LRRIQ1: variants seen among roughly 807,000 people sequenced by gnomAD.
The protein encoded by LRRIQ1 is leucine-rich repeat- and IQ domain-containing protein 1.
Under a neutral mutation model 211.9 loss-of-function variants are expected in LRRIQ1, and 210 were observed. That is an observed-to-expected ratio of 0.99 (90% CI 0.89 to 1.11). The LOEUF is 1.11. Ranked by LOEUF, LRRIQ1 falls within the 50% of genes most tolerant of loss-of-function variation. The probability of loss-of-function intolerance (pLI) is 0.00; values close to 1 mark genes in which losing one functional copy is unlikely to be tolerated. For missense variants in LRRIQ1, 2,136 were observed against 1,939.5 expected, an observed-to-expected ratio of 1.10 and a Z score of -1.90; for synonymous variants, 699 against 650.1, an observed-to-expected ratio of 1.08 and a Z score of -1.14.
intron 1 of LRRIQ1, among the ~76,000 whole-genome samples, chr12:85,254,948 T>C (rs896075398): frequency 6.6e-6 from 1 of 151,970 alleles, no homozygotes; most frequent in Non-Finnish European, 1.5e-5. Context: ...ATAAACCTTT[T>C]GATAAAATTT....
intron 1 of LRRIQ1, among the ~76,000 whole-genome samples, chr12:85,256,833 T>C (rs1031418203): frequency 6.6e-6 from 1 of 150,450 alleles, no homozygotes; most frequent in Non-Finnish European, 1.5e-5. Flanking sequence ...ATTAAATTTT[T>C]CAAAGACTAA....
rs546131012 is a variant in LRRIQ1, at chr12:85,053,786, C to G, written c.753+1535C>G. Reference sequence around the variant, plus strand: ...GCAGTGGCGCCATCTCGGCTCACTTCAAGCTCCGCCTCCTGGGTTCACGCC... The same window carrying G: ...GCAGTGGCGCCATCTCGGCTCACTTGAAGCTCCGCCTCCTGGGTTCACGCC... On this transcript the variant is annotated intron_variant, in intron 7 of 26. Coordinates refer to ENST00000393217, the MANE Select transcript of LRRIQ1 (RefSeq NM_001079910.2). 4.6e-5 allele frequency among the ~76,000 whole-genome samples: 7 copies of G among 152,314 alleles called. No individual in the cohort carries two copies. In the East Asian group the frequency reaches 1.4e-3, roughly 29 times the overall value.
intron 24 of LRRIQ1, among the ~76,000 whole-genome samples, chr12:85,167,644 C>A (rs1211984644): frequency 6.6e-6 from 1 of 152,130 alleles, no homozygotes. Context: ...ATGGTGCCCA[C>A]CCAGATTGAG....
intron 24 of LRRIQ1, among the ~76,000 whole-genome samples, chr12:85,191,560 A>T (rs552309770): frequency 6.6e-6 from 1 of 152,066 alleles, no homozygotes; most frequent in South Asian, 2.1e-4. Flanking sequence ...TTATGTAACC[A>T]TCCACCTACT....
intron 8 of LRRIQ1, 110 bp from the exon 9 acceptor site, chr12:85,065,152 A>G: frequency 1.2e-6 from 1 of 863,566 alleles, no homozygotes; most frequent in Admixed American, 3.2e-5. Flanking sequence ...TTCAACATAT[A>G]GTATTACTTT....
chr12:85,186,051 T>A (rs1892215160), intron 24 of LRRIQ1, among the ~76,000 whole-genome samples: 1 of 152,030 alleles, frequency 6.6e-6, no homozygotes, highest in Non-Finnish European at 1.5e-5. Context: ...TTTTAAATAA[T>A]ATTTAAATAA....
intron 24 of LRRIQ1, among the ~76,000 whole-genome samples, chr12:85,193,107 A>T (rs1219249875): frequency 1.6e-5 from 2 of 122,872 alleles, no homozygotes; most frequent in Non-Finnish European, 3.2e-5. Context: ...TTTATATATA[A>T]TTATAGTATA....
chr12:85,239,832 G>A (rs747723820), intron 26 of LRRIQ1, among the ~76,000 whole-genome samples: 13 of 151,908 alleles, frequency 8.6e-5, no homozygotes, highest in Non-Finnish European at 1.6e-4. Context: ...ACAAAAATTA[G>A]CTGGGCATGG....
At chr12:85,139,673 A>G (rs1267282386) in intron 19 of LRRIQ1, among the ~76,000 whole-genome samples, 2 of 151,442 alleles carry the variant, frequency 1.3e-5, no homozygotes, top group East Asian at 3.9e-4. Flanking sequence ...AATATTATCA[A>G]TAAGACTATG....
intron 9 of LRRIQ1, among the ~76,000 whole-genome samples, chr12:85,066,209 A>G (rs1379992122): frequency 6.6e-6 from 1 of 151,786 alleles, no homozygotes; most frequent in African/African-American, 2.4e-5. Flanking sequence ...AATACACCAA[A>G]GTATCATTAA....
intron 19 of LRRIQ1, among the ~76,000 whole-genome samples, chr12:85,146,893 C>T (rs1034142934): frequency 6.6e-6 from 1 of 151,706 alleles, no homozygotes; most frequent in East Asian, 2.0e-4. Flanking sequence ...CAGGAATAGT[C>T]AGGATAGAAT....
chr12:85,247,129 T>A (rs888131433), downstream of LRRIQ1, among the ~76,000 whole-genome samples: 2 of 151,572 alleles, frequency 1.3e-5, no homozygotes, highest in South Asian at 2.1e-4. Flanking sequence ...AGGCACATGA[T>A]CTAATTGGTT....
intron 19 of LRRIQ1, among the ~76,000 whole-genome samples, chr12:85,146,387 G>C (rs1486251619): frequency 6.6e-6 from 1 of 151,782 alleles, no homozygotes; most frequent in Non-Finnish European, 1.5e-5. Flanking sequence ...ATGCCCTGCT[G>C]TCTTGATGGA....
chr12:85,208,992 A>C (rs1893702606), intron 24 of LRRIQ1, among the ~76,000 whole-genome samples: 2 of 152,182 alleles, frequency 1.3e-5, no homozygotes, highest in African/African-American at 4.8e-5. Context: ...TCAGCTATGA[A>C]CTTAGACAAC....
rs1433801805 is a variant in LRRIQ1, at chr12:85,109,982, C to G, written c.3377+3367C>G. 2.0e-5 allele frequency among the ~76,000 whole-genome samples: 3 copies of G among 152,016 alleles called. No homozygotes were observed. The East Asian group carries it at 5.8e-4, about 29-fold the overall frequency. On this transcript the variant is annotated intron_variant, in intron 15 of 26. Transcript: ENST00000393217. ...CAGCTCTAACTTAACTTTTTTATGT[C>G]TCTGAATCCCCAGTAGTAAAATGAG...
intron 3 of LRRIQ1, among the ~76,000 whole-genome samples, chr12:85,043,231 G>A (rs1273761675): frequency 6.6e-6 from 1 of 152,050 alleles, no homozygotes; most frequent in Non-Finnish European, 1.5e-5. Context: ...GGGCTCACCT[G>A]GACAGTTCTT....
chr12:85,228,279 A>G (rs777559541), intron 24 of LRRIQ1, among the ~76,000 whole-genome samples: 2 of 152,192 alleles, frequency 1.3e-5, no homozygotes, highest in African/African-American at 2.4e-5. Flanking sequence ...CCCATCTGAC[A>G]AGGGGCTAAT....
intron 24 of LRRIQ1, among the ~76,000 whole-genome samples, chr12:85,183,610 A>G (rs778992492): frequency 3.9e-5 from 6 of 152,166 alleles, no homozygotes; most frequent in Non-Finnish European, 5.9e-5. Context: ...TTATTAGCAC[A>G]GGAATAATTA....
chr12:85,162,355 T>A (rs1890930611), intron 24 of LRRIQ1, among the ~76,000 whole-genome samples: 1 of 152,168 alleles, frequency 6.6e-6, no homozygotes, highest in African/African-American at 2.4e-5. Context: ...ACTCTACCAT[T>A]TCAGTCTTTT....
Sources: allele counts gnomAD v4.1 joint callset (sites outside exome capture counted in the v4.1 genomes callset), GRCh38; gene constraint gnomAD v4.1.1; transcripts MANE v1.5; gene names NCBI Gene and HGNC (gene_info 2026-07-23, HGNC 2026-07-21).